Variants in TBXAS1 observed in about 807,000 individuals in gnomAD.
TBXAS1 encodes thromboxane-A synthase.
Under a neutral mutation model 60.7 loss-of-function variants are expected in TBXAS1, and 48 were observed. That is an observed-to-expected ratio of 0.79 (90% CI 0.63 to 1.01). The LOEUF (loss-of-function observed/expected upper bound fraction) is 1.01. Among genes scored for constraint, TBXAS1 ranks in the 50% least tolerant of loss-of-function variants. TBXAS1 has a pLI of 0.00. For synonymous variants in TBXAS1, 287 were observed against 269.7 expected (o/e 1.06, Z -0.63); for missense variants, 685 against 686.3 (o/e 1.00, Z 0.02).
At chr7:139,923,810 G>C (rs573590796) in intron 4 of TBXAS1, among the ~76,000 whole-genome samples, 1 of 152,068 alleles carries the variant, frequency 6.6e-6, no homozygotes, top group African/African-American at 2.4e-5. Context: ...ACTCTTCCCA[G>C]CCTCTGGTAA....
At chr7:139,981,177 G>A (rs558217076) in intron 9 of TBXAS1, among the ~76,000 whole-genome samples, 12 of 152,168 alleles carry the variant, frequency 7.9e-5, no homozygotes, top group African/African-American at 2.4e-4. Flanking sequence ...GCGCGATCTC[G>A]GCTCACTGCA....
chr7:139,913,702 C>A (rs912944821), intron 4 of TBXAS1: 2 of 153,878 alleles, frequency 1.3e-5, no homozygotes, highest in African/African-American at 4.8e-5. Flanking sequence ...CCCACCCCTC[C>A]ACGCAGACTA....
intron 4 of TBXAS1, chr7:139,789,631 G>T (rs1267723222): frequency 6.7e-6 from 1 of 148,574 alleles, no homozygotes; most frequent in Non-Finnish European, 1.5e-5. Context: ...ACTGTATCCT[G>T]TAAGCATTTT....
At chr7:139,882,312 G>A (rs952374923) in intron 3 of TBXAS1, among the ~76,000 whole-genome samples, 3 of 152,160 alleles carry the variant, frequency 2.0e-5, no homozygotes, top group African/African-American at 7.2e-5. Flanking sequence ...ATGTGGCTGA[G>A]GATAGGGTAG....
At chr7:139,992,566 CA>C (rs1376614225) in intron 9 of TBXAS1, among the ~76,000 whole-genome samples, 2 of 152,228 alleles carry the variant, frequency 1.3e-5, no homozygotes, top group Admixed American at 1.3e-4. Flanking sequence ...CAGAAGAAGG[CA>C]AAGGGCTGAA....
chr7:139,857,145 T>A (rs57385028), intron 1 of TBXAS1, among the ~76,000 whole-genome samples: 1 of 152,268 alleles, frequency 6.6e-6, no homozygotes, highest in African/African-American at 2.4e-5. Context: ...GAAGCAAACA[T>A]CCTACTCAAG....
At chr7:139,972,732 C>T (rs1387049903) in intron 9 of TBXAS1, among the ~76,000 whole-genome samples, 3 of 151,926 alleles carry the variant, frequency 2.0e-5, no homozygotes, top group African/African-American at 4.8e-5. Flanking sequence ...ACACATGATC[C>T]GTTATTAACA....
rs142244766 is a variant in TBXAS1, at chr7:139,940,357, A to C, written c.450+4050A>C. Reference sequence around the variant, plus strand: ...CCCAGCTGCCTTTGTTCTCTAAGTCACTGGTTCTCAAACCTTGTGGGACCA... The same window carrying C: ...CCCAGCTGCCTTTGTTCTCTAAGTCCCTGGTTCTCAAACCTTGTGGGACCA... On this transcript the variant is annotated intron_variant, in intron 5 of 12. Transcript: ENST00000448866. Among the ~76,000 whole-genome samples the C allele has an allele frequency of 6.8e-3, 1,038 of 152,226 alleles. 9 individuals carry two copies. The highest frequency in any genetic ancestry group is 0.024 in the Middle Eastern group (7 of 294).
intron 9 of TBXAS1, among the ~76,000 whole-genome samples, chr7:140,005,477 C>G (rs1342385038): frequency 2.0e-5 from 3 of 152,060 alleles, no homozygotes; most frequent in Non-Finnish European, 4.4e-5. Context: ...ACTCTCAAGA[C>G]AGCGCCACAG....
chr7:139,992,682 C>T (rs2267704), intron 9 of TBXAS1, among the ~76,000 whole-genome samples: 44,290 of 152,192 alleles, frequency 0.29, 6,751 homozygotes, highest in East Asian at 0.41. Context: ...CCCTGGGGGC[C>T]TTCGTTTCCT....
intron 1 of TBXAS1, among the ~76,000 whole-genome samples, chr7:139,832,322 T>C (rs1798760739): frequency 6.6e-6 from 1 of 151,968 alleles, no homozygotes. Flanking sequence ...TGAAATGCTC[T>C]GGAAAGTCTC....
chr7:139,856,580 A>G (rs1395741075), intron 1 of TBXAS1, among the ~76,000 whole-genome samples: 3 of 152,238 alleles, frequency 2.0e-5, no homozygotes, highest in Non-Finnish European at 4.4e-5. Context: ...GAGGCCAAAT[A>G]TACATATTCA....
At chr7:139,898,798 A>G (rs1015562740) in intron 3 of TBXAS1, among the ~76,000 whole-genome samples, 1 of 152,090 alleles carries the variant, frequency 6.6e-6, no homozygotes, top group African/African-American at 2.4e-5. Context: ...GTTCGGACAA[A>G]CTATTCTCAT....
chr7:139,928,178 CT>C (rs1324791057), intron 4 of TBXAS1, among the ~76,000 whole-genome samples: 1 of 152,170 alleles, frequency 6.6e-6, no homozygotes, highest in Non-Finnish European at 1.5e-5. Context: ...TGATAGTTCA[CT>C]GAAAGTTGTT....
At chr7:139,882,607 T>C (rs750811814) in intron 3 of TBXAS1, among the ~76,000 whole-genome samples, 1 of 152,148 alleles carries the variant, frequency 6.6e-6, no homozygotes, top group Non-Finnish European at 1.5e-5. Flanking sequence ...CTAAGAGGAA[T>C]TGATGAAAAT....
intron 3 of TBXAS1, among the ~76,000 whole-genome samples, chr7:139,881,394 T>G (rs1482711798): frequency 6.6e-6 from 1 of 152,138 alleles, no homozygotes; most frequent in East Asian, 1.9e-4. Context: ...ATTTTTAAAA[T>G]ATAGAATGTT....
At chr7:139,985,479 C>T (rs948420226) in intron 9 of TBXAS1, among the ~76,000 whole-genome samples, 1 of 152,138 alleles carries the variant, frequency 6.6e-6, no homozygotes, top group Non-Finnish European at 1.5e-5. Flanking sequence ...AACCCATTAT[C>T]GGGTTGTCAT....
At chr7:140,008,597 G>C (rs943616013) in intron 10 of TBXAS1, among the ~76,000 whole-genome samples, 1 of 151,948 alleles carries the variant, frequency 6.6e-6, no homozygotes, top group Non-Finnish European at 1.5e-5. Flanking sequence ...ACAGGTGCCC[G>C]CCACTATGCC....
At chr7:139,787,846 G>A (rs1010965769) in intron 4 of TBXAS1, among the ~76,000 whole-genome samples, 6 of 152,126 alleles carry the variant, frequency 3.9e-5, no homozygotes, top group Admixed American at 2.6e-4. Context: ...TCAGAATAAT[G>A]TTTTTAAATG....
Sources: allele counts gnomAD v4.1 joint callset (sites outside exome capture counted in the v4.1 genomes callset), GRCh38; gene constraint gnomAD v4.1.1; transcripts MANE v1.5; gene names NCBI Gene and HGNC (gene_info 2026-07-23, HGNC 2026-07-21).